VTI1A: variants seen among roughly 807,000 people sequenced by gnomAD.
VTI1A encodes vesicle transport through interaction with t-SNAREs homolog 1A.
VTI1A carries 22 observed loss-of-function variants against 34.9 expected under a neutral mutation model. The ratio of observed to expected loss-of-function variants is 0.63; its 90% CI spans 0.45 to 0.90. The LOEUF is 0.90. Ranked by LOEUF, VTI1A falls within the 40% of genes least tolerant of loss-of-function variation. The pLI is 0.00. For synonymous variants in VTI1A, 87 were observed against 97.3 expected (o/e 0.89, Z 0.62); for missense variants, 268 against 275.6 (o/e 0.97, Z 0.20).
At chr10:112,694,077 G>T (rs1400990619) in intron 7 of VTI1A, among the ~76,000 whole-genome samples, 2 of 151,988 alleles carry the variant, frequency 1.3e-5, no homozygotes, top group Non-Finnish European at 2.9e-5. Flanking sequence ...TTGGTGGCGC[G>T]TGCCTGTAAT....
chr10:112,592,001 G>C (rs368064288), intron 5 of VTI1A, among the ~76,000 whole-genome samples: 2 of 152,120 alleles, frequency 1.3e-5, no homozygotes, highest in Non-Finnish European at 2.9e-5. Flanking sequence ...CAAATATGTC[G>C]TCTCTGGTCT....
chr10:112,731,173 G>A (rs925171361), intron 7 of VTI1A, among the ~76,000 whole-genome samples: 17 of 152,140 alleles, frequency 1.1e-4, no homozygotes, highest in Admixed American at 2.0e-4. Context: ...TGATGTCTAT[G>A]AATCTGGGAG....
chr10:112,504,748 C>G (rs931543094), intron 3 of VTI1A, among the ~76,000 whole-genome samples: 2 of 152,094 alleles, frequency 1.3e-5, no homozygotes, highest in African/African-American at 4.8e-5. Flanking sequence ...ATGACCCCGG[C>G]ATTGCATGGA....
chr10:112,579,007 G>A (rs1050387731), intron 5 of VTI1A, among the ~76,000 whole-genome samples: 1 of 152,156 alleles, frequency 6.6e-6, no homozygotes. Context: ...GATCTTTATA[G>A]AAAAGAATAT....
chr10:112,800,116 G>A (rs1363426409), intron 7 of VTI1A, among the ~76,000 whole-genome samples: 2 of 152,210 alleles, frequency 1.3e-5, no homozygotes, highest in African/African-American at 4.8e-5. Context: ...CTATTAAGTG[G>A]TAAGTATCGA....
At chr10:112,554,321 C>G (rs1256063641) in intron 5 of VTI1A, among the ~76,000 whole-genome samples, 1 of 152,154 alleles carries the variant, frequency 6.6e-6, no homozygotes, top group African/African-American at 2.4e-5. Context: ...TAACATAATG[C>G]AAGTTCTGGA....
Position 112,818,553 on chromosome 10 carries a change from G to A in VTI1A, c.*3170G>A, listed in dbSNP as rs1853588387. The stretch of plus-strand genomic sequence containing the variant: ...TGCTGCTGTATTTGAAGTTGTAATG[G>A]TGTCAAAAAGTCACGACTGACTGAC... On this transcript the variant is annotated 3_prime_UTR_variant, in exon 8 of 8. Transcript: ENST00000393077. 1 of 224,334 alleles carries A rather than the reference G, an allele frequency of 4.5e-6. No homozygotes were observed. The highest frequency in any genetic ancestry group is 5.7e-5 in the Admixed American group (1 of 17,472). 13.9% of individuals were successfully genotyped at this position (224,334 alleles called of 1,614,324 possible).
chr10:112,492,421 G>T (rs1848860275), intron 3 of VTI1A, among the ~76,000 whole-genome samples: 1 of 152,142 alleles, frequency 6.6e-6, no homozygotes, highest in South Asian at 2.1e-4. Flanking sequence ...GCAGTCAGTA[G>T]TACTGTTTTG....
chr10:112,618,530 G>GAGAGAGAGAA (rs1845604782), intron 5 of VTI1A, among the ~76,000 whole-genome samples: 1 of 125,788 alleles, frequency 7.9e-6, no homozygotes, highest in Non-Finnish European at 1.6e-5. Flanking sequence ...TATATAGAGA[G>GAGAGAGAGAA]AGAGAGAGAG....
At chr10:112,716,444 A>T (rs902490831) in intron 7 of VTI1A, among the ~76,000 whole-genome samples, 1 of 152,214 alleles carries the variant, frequency 6.6e-6, no homozygotes. Flanking sequence ...AGCAAATTTT[A>T]TTATAAATTT....
intron 7 of VTI1A, among the ~76,000 whole-genome samples, chr10:112,711,700 A>G (rs1237699260): frequency 1.3e-5 from 2 of 152,184 alleles, no homozygotes; most frequent in Non-Finnish European, 2.9e-5. Context: ...GAATACGCCA[A>G]CAAAGTGATT....
intron 5 of VTI1A, among the ~76,000 whole-genome samples, chr10:112,569,211 T>G (rs1419713723): frequency 3.3e-5 from 5 of 152,066 alleles, no homozygotes. Context: ...TTGTGTGCCT[T>G]CTAGAAACCC....
chr10:112,596,838 A>G (rs1018081036), intron 5 of VTI1A, among the ~76,000 whole-genome samples: 1 of 152,152 alleles, frequency 6.6e-6, no homozygotes, highest in Non-Finnish European at 1.5e-5. Context: ...CCTTATTTAC[A>G]TAAGAACTCT....
chr10:112,623,634 A>G (rs1272852573), intron 5 of VTI1A, among the ~76,000 whole-genome samples: 1 of 152,136 alleles, frequency 6.6e-6, no homozygotes, highest in African/African-American at 2.4e-5. Flanking sequence ...GATTGGGGCT[A>G]TAATCGAATC....
chr10:112,839,000 TGCTG>T, the VTI1A span, among the ~76,000 whole-genome samples: 1 of 152,208 alleles, frequency 6.6e-6, no homozygotes, highest in Non-Finnish European at 1.5e-5. Flanking sequence ...CCCTGAGGGC[TGCTG>T]GCTGGGTCAC....
chr10:112,851,381 A>T, the VTI1A span, among the ~76,000 whole-genome samples: 2 of 152,338 alleles, frequency 1.3e-5, no homozygotes, highest in East Asian at 3.9e-4. Context: ...TGTCATACTC[A>T]TGGTAATTGA....
At chr10:112,697,656 A>G (rs1187743075) in intron 7 of VTI1A, among the ~76,000 whole-genome samples, 2 of 152,116 alleles carry the variant, frequency 1.3e-5, no homozygotes, top group African/African-American at 4.8e-5. Flanking sequence ...TCAGCCTCCC[A>G]AAGTGCTGAG....
intron 5 of VTI1A, among the ~76,000 whole-genome samples, chr10:112,660,833 G>A (rs1362710972): frequency 6.6e-6 from 1 of 152,124 alleles, no homozygotes; most frequent in Non-Finnish European, 1.5e-5. Context: ...AAACTCAAGA[G>A]CCAGTCAACA....
chr10:112,799,778 A>G (rs1852810995), intron 7 of VTI1A, among the ~76,000 whole-genome samples: 2 of 152,200 alleles, frequency 1.3e-5, no homozygotes, highest in African/African-American at 4.8e-5. Flanking sequence ...TGAAGGAGAT[A>G]TCACAAGTTT....
Sources: gnomAD v4.1 joint callset for allele counts (sites outside exome capture counted in the v4.1 genomes callset) on GRCh38, gnomAD v4.1.1 for gene constraint, MANE v1.5 for transcripts, NCBI Gene and HGNC (gene_info 2026-07-23, HGNC 2026-07-21) for gene names.